Variants in RBFOX1 observed in about 807,000 individuals in gnomAD.
RBFOX1 encodes RNA binding protein fox-1 homolog 1.
In RBFOX1, 8 loss-of-function variants were observed where a neutral mutation model predicts 57.7. The observed-to-expected ratio is 0.14, with a 90% CI of 0.08 to 0.25. RBFOX1 has a LOEUF of 0.25. RBFOX1 is among the 10% of genes least tolerant of loss of function. The pLI, the probability that RBFOX1 is intolerant of heterozygous loss-of-function variation, is 1.00. For missense variants in RBFOX1, 611 were observed against 548.5 expected, an observed-to-expected ratio of 1.11 and a Z score of -1.14; for synonymous variants, 326 against 222.4, an observed-to-expected ratio of 1.47 and a Z score of -4.15.
chr16:5,969,045 T>C (rs2059907510), intron 4 of RBFOX1, among the ~76,000 whole-genome samples: 1 of 152,084 alleles, frequency 6.6e-6, no homozygotes, highest in Non-Finnish European at 1.5e-5. Context: ...AGTTTTTTCT[T>C]TTATTTCTTT....
intron 4 of RBFOX1, among the ~76,000 whole-genome samples, chr16:7,327,536 G>C (rs1056820315): frequency 4.6e-5 from 7 of 152,184 alleles, no homozygotes; most frequent in African/African-American, 9.6e-5. Context: ...TGTGATGATA[G>C]GATCAGGGAA....
At chr16:7,708,613 C>T (rs1044326503) in intron 14 of RBFOX1, among the ~76,000 whole-genome samples, 1 of 152,166 alleles carries the variant, frequency 6.6e-6, no homozygotes, top group Non-Finnish European at 1.5e-5. Context: ...GTTCACTTCA[C>T]CCTTTCTGAT....
At chr16:6,887,393 C>G (rs1183587621) in intron 3 of RBFOX1, among the ~76,000 whole-genome samples, 1 of 152,038 alleles carries the variant, frequency 6.6e-6, no homozygotes, top group African/African-American at 2.4e-5. Context: ...ATTGTGATTT[C>G]AAGAAGCCGA....
intron 4 of RBFOX1, among the ~76,000 whole-genome samples, chr16:7,466,608 C>G (rs145810028): frequency 0.016 from 2,393 of 152,290 alleles, 22 homozygotes; most frequent in Middle Eastern, 0.051. Flanking sequence ...ATCTGGATCC[C>G]AGCTCTGCAC....
chr16:7,304,165 C>T (rs1306855856), intron 4 of RBFOX1: 1 of 873,592 alleles, frequency 1.1e-6, no homozygotes, highest in South Asian at 5.7e-5. Flanking sequence ...CGGCGGGGTG[C>T]GGTGGGGGGA....
At chr16:6,736,092 T>C (rs558611203) in intron 3 of RBFOX1, among the ~76,000 whole-genome samples, 6 of 150,636 alleles carry the variant, frequency 4.0e-5, no homozygotes, top group African/African-American at 1.5e-4. Context: ...TTTGTTCAAA[T>C]TATTTTAGCC....
intron 4 of RBFOX1, among the ~76,000 whole-genome samples, chr16:5,902,789 C>T (rs947168107): frequency 9.2e-5 from 14 of 152,044 alleles, no homozygotes; most frequent in Non-Finnish European, 1.5e-4. Context: ...TGATTCCAAG[C>T]GCCTTGTCTG....
At chr16:7,568,818 C>T (rs34790721) in intron 5 of RBFOX1, among the ~76,000 whole-genome samples, 38,034 of 135,288 alleles carry the variant, frequency 0.28, 5,943 homozygotes, top group Middle Eastern at 0.37. Flanking sequence ...ACCCGGGAGG[C>T]GGAGCTTACA....
intron 2 of RBFOX1, among the ~76,000 whole-genome samples, chr16:5,568,320 T>C (rs2046145254): frequency 6.6e-6 from 1 of 152,170 alleles, no homozygotes; most frequent in African/African-American, 2.4e-5. Flanking sequence ...TTGCTTCACT[T>C]ATAGTCCAAG....
At chr16:5,891,157 T>G (rs371650110) in intron 4 of RBFOX1, among the ~76,000 whole-genome samples, 1 of 152,040 alleles carries the variant, frequency 6.6e-6, no homozygotes, top group African/African-American at 2.4e-5. Context: ...CTCCTTAGGA[T>G]TTTTTCTTTG....
intron 3 of RBFOX1, among the ~76,000 whole-genome samples, chr16:6,800,209 C>T (rs575247802): frequency 1.4e-5 from 2 of 145,916 alleles, no homozygotes; most frequent in African/African-American, 2.8e-5. Flanking sequence ...TTGCTGTTTT[C>T]CTGCCTCATA....
At chr16:5,259,363 C>T (rs1479733006) in intron 1 of RBFOX1, among the ~76,000 whole-genome samples, 2 of 152,186 alleles carry the variant, frequency 1.3e-5, no homozygotes, top group East Asian at 1.9e-4. Flanking sequence ...CAGCTGATCT[C>T]ATGCAGCCAG....
At chr16:6,951,082 T>C (rs1486321553) in intron 3 of RBFOX1, among the ~76,000 whole-genome samples, 3 of 152,056 alleles carry the variant, frequency 2.0e-5, no homozygotes, top group Non-Finnish European at 4.4e-5. Context: ...TTTTATCTTA[T>C]TTTTTGTAGA....
intron 2 of RBFOX1, among the ~76,000 whole-genome samples, chr16:6,381,774 T>G (rs1407668521): frequency 6.6e-6 from 1 of 152,162 alleles, no homozygotes; most frequent in African/African-American, 2.4e-5. Context: ...TGGAACTGGG[T>G]CTGCCCTGTG....
intron 3 of RBFOX1, chr16:5,610,752 C>T (rs2047751970): frequency 6.6e-6 from 1 of 151,954 alleles, no homozygotes; most frequent in Non-Finnish European, 1.5e-5. Context: ...TCTTCAGTCC[C>T]AGCCACTCCA....
intron 12 of RBFOX1, among the ~76,000 whole-genome samples, chr16:7,654,344 A>G (rs3785221): frequency 0.11 from 17,141 of 152,160 alleles, 1,327 homozygotes; most frequent in East Asian, 0.21. Flanking sequence ...TTCATACATA[A>G]AAATCACTGG....
At chr16:6,813,024 C>G (rs558019720) in intron 3 of RBFOX1, among the ~76,000 whole-genome samples, 2 of 151,706 alleles carry the variant, frequency 1.3e-5, no homozygotes, top group African/African-American at 4.8e-5. Context: ...CTTTATTTCA[C>G]AAAAGACCTA....
chr16:5,733,717 A>C (rs1205806526), intron 3 of RBFOX1, among the ~76,000 whole-genome samples: 3 of 148,082 alleles, frequency 2.0e-5, no homozygotes, highest in African/African-American at 5.0e-5. Flanking sequence ...TTTCCCTCTT[A>C]CCTCTTTATT....
chr16:7,441,350 C>G (rs978979522), intron 4 of RBFOX1, among the ~76,000 whole-genome samples: 2 of 152,176 alleles, frequency 1.3e-5, no homozygotes, highest in African/African-American at 4.8e-5. Context: ...AAACTAAAAA[C>G]CCTACCTAAT....
Sources: allele counts gnomAD v4.1 joint callset (sites outside exome capture counted in the v4.1 genomes callset), GRCh38; gene constraint gnomAD v4.1.1; transcripts MANE v1.5; gene names NCBI Gene and HGNC (gene_info 2026-07-23, HGNC 2026-07-21).